ATRNL1: variants seen among roughly 807,000 people sequenced by gnomAD.
The protein encoded by ATRNL1 is attractin like 1.
Under a neutral mutation model 182.7 loss-of-function variants are expected in ATRNL1, and 95 were observed. That is an observed-to-expected ratio of 0.52 (90% confidence interval 0.44 to 0.62). The LOEUF (loss-of-function observed/expected upper bound fraction) is 0.62, where lower values mean the gene tolerates loss of function less well. Ranked by LOEUF, ATRNL1 falls within the 20% of genes least tolerant of loss-of-function variation. ATRNL1 has a pLI of 0.00. For missense variants in ATRNL1, 1,471 were observed against 1,679.5 expected (o/e 0.88, Z 2.17); for synonymous variants, 576 against 568.3 (o/e 1.01, Z -0.19).
rs1182231530 is a variant in ATRNL1 at position 115,698,800 on chromosome 10, T to G, written c.3796-28448T>G. On this transcript the variant is annotated intron_variant, in intron 26 of 28. Transcript: ENST00000355044. ...TCAAAAAAAAAAAGAAGAAGAAATG[T>G]GAGTAGACCAAAAAAAAGAGCAGCT... 2.0e-5 allele frequency among the ~76,000 whole-genome samples: 3 copies of G among 150,678 alleles called. No homozygotes were observed. In the South Asian group the frequency reaches 6.3e-4, roughly 32 times the overall value.
At chr10:115,811,849 G>A (rs1011849865) in intron 27 of ATRNL1, among the ~76,000 whole-genome samples, 2 of 138,836 alleles carry the variant, frequency 1.4e-5, no homozygotes, top group Non-Finnish European at 3.0e-5. Context: ...TATTATACAG[G>A]TAAGAAACAT....
chr10:115,214,927 G>T (rs2144401170), intron 8 of ATRNL1, among the ~76,000 whole-genome samples: 1 of 152,284 alleles, frequency 6.6e-6, no homozygotes, highest in East Asian at 1.9e-4. Context: ...GGATCACCCA[G>T]AAATCCAGAA....
chr10:115,348,453 TA>T (rs1856077829), intron 19 of ATRNL1, among the ~76,000 whole-genome samples: 3 of 152,214 alleles, frequency 2.0e-5, no homozygotes, highest in Non-Finnish European at 2.9e-5. Context: ...ATAACATCAA[TA>T]AGTTTAGTAT....
intron 26 of ATRNL1, among the ~76,000 whole-genome samples, chr10:115,579,284 G>A (rs901462735): frequency 6.6e-6 from 1 of 151,720 alleles, no homozygotes; most frequent in Non-Finnish European, 1.5e-5. Flanking sequence ...TATTGAAAGT[G>A]TAGTATCAAA....
chr10:115,561,396 C>A lies in ATRNL1; in HGVS notation c.3795+11860C>A, dbSNP rs28860011. On this transcript the variant is annotated intron_variant, in intron 26 of 28. Transcript: ENST00000355044. ...CCCTTTGTATTCATGGTTTCCACATCTGTGGATTCACTCAAGGATTGAAAA... is the reference window on the plus strand; with the variant it reads ...CCCTTTGTATTCATGGTTTCCACATATGTGGATTCACTCAAGGATTGAAAA... 9.5e-3 allele frequency among the ~76,000 whole-genome samples: 1,449 copies of A among 152,200 alleles called. 23 individuals are homozygous for A. The highest frequency in any genetic ancestry group is 0.033 in the African/African-American group (1,368 of 41,522).
intron 26 of ATRNL1, among the ~76,000 whole-genome samples, chr10:115,627,617 G>A (rs1315803852): frequency 2.0e-5 from 3 of 151,944 alleles, no homozygotes; most frequent in Non-Finnish European, 4.4e-5. Flanking sequence ...GCGCTCCCCT[G>A]AGCCTCCCAA....
At chr10:115,239,146 G>A (rs568259041) in intron 9 of ATRNL1, among the ~76,000 whole-genome samples, 1 of 151,966 alleles carries the variant, frequency 6.6e-6, no homozygotes, top group African/African-American at 2.4e-5. Context: ...TTTGTTCCTT[G>A]ATCCATATTA....
intron 9 of ATRNL1, among the ~76,000 whole-genome samples, chr10:115,227,980 T>C (rs1554899049): frequency 1.3e-5 from 2 of 152,130 alleles, no homozygotes; most frequent in African/African-American, 4.8e-5. Flanking sequence ...CTGGAGTGGT[T>C]ATGTGTTCAC....
intron 20 of ATRNL1, among the ~76,000 whole-genome samples, chr10:115,414,386 C>T (rs1051019013): frequency 1.3e-5 from 2 of 151,434 alleles, no homozygotes; most frequent in East Asian, 3.9e-4. Flanking sequence ...CCCCTTACCT[C>T]TCCTCCTATT....
At chr10:115,552,535 A>G (rs552286916) in intron 26 of ATRNL1, among the ~76,000 whole-genome samples, 122 of 151,520 alleles carry the variant, frequency 8.1e-4, no homozygotes, top group African/African-American at 2.9e-3. Flanking sequence ...ATGAAAGTTT[A>G]AAATGAAAAT....
intron 19 of ATRNL1, among the ~76,000 whole-genome samples, chr10:115,373,682 C>T (rs1857511341): frequency 6.6e-6 from 1 of 151,840 alleles, no homozygotes; most frequent in Non-Finnish European, 1.5e-5. Flanking sequence ...TATGTTGGAC[C>T]ATTCTTGCAT....
At chr10:115,908,472 C>T (rs1952568956) in intron 28 of ATRNL1, among the ~76,000 whole-genome samples, 1 of 152,092 alleles carries the variant, frequency 6.6e-6, no homozygotes, top group South Asian at 2.1e-4. Flanking sequence ...CCCCTCTGAC[C>T]TCCTCTTCTG....
intron 3 of ATRNL1, among the ~76,000 whole-genome samples, chr10:115,122,782 T>C (rs147191282): frequency 0.012 from 1,832 of 152,260 alleles, 15 homozygotes; most frequent in Admixed American, 0.018. Flanking sequence ...ATTGCTTACA[T>C]TTTTGAGTCA....
At chr10:115,513,968 C>T (rs1438617734) in intron 24 of ATRNL1, among the ~76,000 whole-genome samples, 3 of 151,924 alleles carry the variant, frequency 2.0e-5, no homozygotes, top group African/African-American at 7.2e-5. Flanking sequence ...AGATTTGTTA[C>T]TCTGAGTGTC....
At chr10:115,300,294 C>A (rs957056661) in intron 16 of ATRNL1, 47 bp downstream of exon 16, 3 of 1,475,522 alleles carry the variant, frequency 2.0e-6, no homozygotes, top group Non-Finnish European at 2.8e-6. Flanking sequence ...ATGTTTCCCA[C>A]CCATCTTCTC....
At chr10:115,754,100 A>C (rs1487477351) in intron 27 of ATRNL1, among the ~76,000 whole-genome samples, 1 of 152,184 alleles carries the variant, frequency 6.6e-6, no homozygotes, top group Non-Finnish European at 1.5e-5. Context: ...AGATTGCAGA[A>C]ATTTTCTCCC....
At position 115,147,036 on chromosome 10, in the gene ATRNL1, T is replaced by C. The variant is rs1846005298; in HGVS notation, c.830-13004T>C. On this transcript the variant is annotated intron_variant, in intron 5 of 28. Coordinates refer to ENST00000355044, the MANE Select transcript of ATRNL1 (RefSeq NM_207303.4). The stretch of plus-strand genomic sequence containing the variant: ...TATGATAGTTCTATTTTAAGTTTTT[T>C]GAGGAGTTTCCATACTGTTTACCAT... Among the ~76,000 whole-genome samples, 3 of 152,146 alleles carry C rather than the reference T, an allele frequency of 2.0e-5. No individual in the cohort carries two copies. In the South Asian group the frequency reaches 6.2e-4, roughly 31 times the overall value.
intron 8 of ATRNL1, among the ~76,000 whole-genome samples, chr10:115,201,363 G>T (rs1404953153): frequency 2.0e-5 from 3 of 152,132 alleles, no homozygotes; most frequent in Non-Finnish European, 4.4e-5. Flanking sequence ...TATGGTTTTA[G>T]GTCTAACATT....
intron 25 of ATRNL1, among the ~76,000 whole-genome samples, chr10:115,542,489 G>T (rs1554992326): frequency 6.6e-6 from 1 of 152,104 alleles, no homozygotes; most frequent in Non-Finnish European, 1.5e-5. Context: ...TTGGTAAGGA[G>T]TGGGCATGTA....
Sources: allele counts gnomAD v4.1 joint callset (sites outside exome capture counted in the v4.1 genomes callset), GRCh38; gene constraint gnomAD v4.1.1; transcripts MANE v1.5; gene names NCBI Gene and HGNC (gene_info 2026-07-23, HGNC 2026-07-21).